The following NFATC1 variants were observed in gnomAD, a reference collection of about 807,000 sequenced individuals.
NFATC1 encodes nuclear factor of activated T-cells, cytoplasmic 1.
In NFATC1, 22 loss-of-function variants were observed where a neutral mutation model predicts 76.0. The observed-to-expected ratio is 0.29, with a 90% CI of 0.21 to 0.41. The LOEUF is 0.41. Among genes scored for constraint, NFATC1 ranks in the 10% least tolerant of loss-of-function variants. The pLI is 1.00. For missense variants in NFATC1, 1,357 were observed against 1,337.7 expected (o/e 1.01, Z -0.23); for synonymous variants, 704 against 613.1 (o/e 1.15, Z -2.19).
chr18:79,444,768 G>T (rs113722543), intron 3 of NFATC1, among the ~76,000 whole-genome samples: 1 of 139,522 alleles, frequency 7.2e-6, no homozygotes, highest in South Asian at 2.2e-4. Flanking sequence ...CCACACCGGC[G>T]CTGCACACAC....
intron 7 of NFATC1, among the ~76,000 whole-genome samples, chr18:79,466,778 G>A (rs1307489339): frequency 1.3e-5 from 2 of 152,214 alleles, no homozygotes; most frequent in Non-Finnish European, 2.9e-5. Flanking sequence ...ATCGTCAAAT[G>A]TGACAAACAC....
At chr18:79,482,318 TTCCTGGGGTGTCATTCCAGCGTGACCTGG>T (rs2089307795) in intron 8 of NFATC1, among the ~76,000 whole-genome samples, 4 of 133,714 alleles carry the variant, frequency 3.0e-5, no homozygotes, top group African/African-American at 5.7e-5. Flanking sequence ...CGTGACCTGG[TTCCTGGGGTGTCATTCCAGCGTGACCTGG>T]TCCTGGGGTG....
intron 9 of NFATC1, among the ~76,000 whole-genome samples, chr18:79,502,282 T>C (rs975956025): frequency 2.0e-5 from 3 of 152,222 alleles, no homozygotes; most frequent in African/African-American, 7.2e-5. Flanking sequence ...CAAGTGGTGC[T>C]GGGACATTTG....
chr18:79,481,800 C>G (rs1391214684), intron 8 of NFATC1, among the ~76,000 whole-genome samples: 1 of 150,046 alleles, frequency 6.7e-6, no homozygotes, highest in Non-Finnish European at 1.5e-5. Context: ...GGGTGTCACT[C>G]CAGCGTGACC....
chr18:79,417,809 G>C (rs1254172475), intron 2 of NFATC1, among the ~76,000 whole-genome samples: 1 of 16,010 alleles, frequency 6.2e-5, no homozygotes, highest in Admixed American at 3.0e-4. Flanking sequence ...ATGGGCTGTG[G>C]TGGGAGATGG....
intron 1 of NFATC1, chr18:79,400,254 C>T: frequency 9.5e-7 from 1 of 1,056,170 alleles, no homozygotes; most frequent in East Asian, 4.5e-5. Flanking sequence ...CGGAAACGCC[C>T]CGGGGGGCGG....
Position 79,433,455 on chromosome 18 carries a change from A to T in NFATC1, c.1227-124A>T, listed in dbSNP as rs997465552. On this transcript the variant is annotated intron_variant, in intron 2 of 9. Coordinates refer to ENST00000427363, the MANE Select transcript of NFATC1 (RefSeq NM_001278669.2). ...CATTGACACAGGCTTCTCCATCTCC[A>T]TGTCAGGACGTGCACTCGCCGATGA... 3.0e-5 allele frequency: 34 copies of T among 1,143,946 alleles called. No homozygotes were observed. In the Admixed American group the frequency reaches 5.6e-4, roughly 19 times the overall value. 70.9% of individuals were successfully genotyped at this position (1,143,946 alleles called of 1,614,324 possible).
rs1343112894 is a variant in NFATC1, at chr18:79,488,748, G to A, written c.2782+1811G>A. Among the ~76,000 whole-genome samples, 7 of 152,160 alleles carry A rather than the reference G, an allele frequency of 4.6e-5. No homozygotes were observed. In the East Asian group the frequency reaches 1.2e-3, roughly 25 times the overall value. The stretch of plus-strand genomic sequence containing the variant: ...CCCTCACCCCTGCTTTGTCTCACGC[G>A]GTACCAGGTGGTCCCAAGGCGGCTG... On this transcript the variant is annotated intron_variant, in intron 9 of 9. Transcript: ENST00000427363.
intron 1 of NFATC1, among the ~76,000 whole-genome samples, chr18:79,399,352 G>A (rs2085105819): frequency 6.6e-6 from 1 of 152,258 alleles, no homozygotes; most frequent in South Asian, 2.1e-4. Flanking sequence ...AGTGCCCGCG[G>A]GGCAGGCCAG....
At chr18:79,520,705 A>AGTGTGTC (rs1569052734) in intron 9 of NFATC1, among the ~76,000 whole-genome samples, 2 of 7,218 alleles carry the variant, frequency 2.8e-4, no homozygotes, top group African/African-American at 5.7e-4. Context: ...ATCCACTGAT[A>AGTGTGTC]TGTGTGTGTG....
In NFATC1 at chr18:79,486,402, G is replaced by A. The variant is rs201240540; in HGVS notation, c.2247G>A (p.Pro749=). ...GCTCCTGCCTCGTGGCCGGCTTCCC[G>A]CCCTGTCCGCAGAGAAGCACCCTGA... ...DPSSCLVAGF[P]PCPQRSTLMP... The change falls in exon 9 of 10, where the codon CCG becomes CCA. Residue 749 remains proline, a synonymous_variant. Transcript: ENST00000427363. 7.1e-5 allele frequency: 115 copies of A among 1,612,642 alleles called. No homozygotes were observed. The highest frequency in any genetic ancestry group is 8.5e-5 in the Non-Finnish European group (100 of 1,179,922).
intron 1 of NFATC1, 72 bp downstream of exon 1, chr18:79,396,423 C>G: frequency 1.0e-6 from 1 of 998,482 alleles, no homozygotes; most frequent in Non-Finnish European, 1.3e-6. Flanking sequence ...CCCGACCCCG[C>G]CCCCGTCGCC....
At chr18:79,402,207 T>C (rs2085290444) in intron 1 of NFATC1, 8 of 427,864 alleles carry the variant, frequency 1.9e-5, no homozygotes, top group Non-Finnish European at 2.2e-5. Context: ...TCCAGGCTTA[T>C]CCGGGAAGAC....
chr18:79,481,272 A>C (rs2089261988), intron 8 of NFATC1, among the ~76,000 whole-genome samples: 1 of 152,254 alleles, frequency 6.6e-6, no homozygotes, highest in South Asian at 2.1e-4. Context: ...TGGGGGCGCC[A>C]TGGCCTAAGG....
At chr18:79,474,439 G>A (rs577565928) in intron 8 of NFATC1, among the ~76,000 whole-genome samples, 25 of 148,950 alleles carry the variant, frequency 1.7e-4, no homozygotes, top group East Asian at 1.2e-3. Context: ...CAAGGGAAGC[G>A]TGTTCTCGCG....
In NFATC1 at chr18:79,449,002, T is replaced by A. The variant is rs1600743404; in HGVS notation, c.1589+18T>A. ...CGAGCCGTGTAAGCCGCGGGGGACC[T>A]CCGGCCTCTGGCAGGGGGCGGTAGG... is the stretch of plus-strand genomic sequence containing the variant. On this transcript the variant is annotated intron_variant, in intron 4 of 9. Coordinates refer to ENST00000427363, the MANE Select transcript of NFATC1 (RefSeq NM_001278669.2). 1 of 1,610,972 alleles carries A rather than the reference T, an allele frequency of 6.2e-7. No individual in the cohort carries two copies. The highest frequency in any genetic ancestry group is 8.5e-7 in the Non-Finnish European group (1 of 1,178,862).
chr18:79,414,894 A>G (rs2148208701), intron 2 of NFATC1, among the ~76,000 whole-genome samples: 1 of 152,312 alleles, frequency 6.6e-6, no homozygotes, highest in East Asian at 1.9e-4. Context: ...CCAGGGCGAG[A>G]GTGCACGTTG....
intron 9 of NFATC1, among the ~76,000 whole-genome samples, chr18:79,510,590 T>C (rs1211363841): frequency 1.3e-5 from 2 of 152,182 alleles, no homozygotes; most frequent in Non-Finnish European, 2.9e-5. Flanking sequence ...TCAGCGGTCT[T>C]TTCTGTTTAT....
intron 9 of NFATC1, among the ~76,000 whole-genome samples, chr18:79,513,641 C>G (rs1667701): frequency 0.7 from 106,566 of 151,826 alleles, 38,275 homozygotes; most frequent in Non-Finnish European, 0.79. Context: ...AGGCGAGTGT[C>G]CCTGGGGCAT....
Sources: gnomAD v4.1 joint callset for allele counts (sites outside exome capture counted in the v4.1 genomes callset) on GRCh38, gnomAD v4.1.1 for gene constraint, MANE v1.5 for transcripts, NCBI Gene and HGNC (gene_info 2026-07-23, HGNC 2026-07-21) for gene names.